Variants in CSMD1 observed in about 807,000 individuals in gnomAD.
CSMD1 encodes the protein CUB and sushi domain-containing protein 1.
In CSMD1, 213 loss-of-function variants were observed where a neutral mutation model predicts 417.5. The observed-to-expected ratio is 0.51, with a 90% confidence interval of 0.46 to 0.57. CSMD1 has a LOEUF of 0.57. CSMD1 is among the 20% of genes least tolerant of loss of function. The pLI is 0.00. For synonymous variants in CSMD1, 2,862 were observed against 1,736.8 expected (o/e 1.65, Z -16.11); for missense variants, 6,923 against 4,529.7 (o/e 1.53, Z -15.17).
chr8:3,905,725 G>T (rs986477771), intron 5 of CSMD1, among the ~76,000 whole-genome samples: 1 of 152,262 alleles, frequency 6.6e-6, no homozygotes, highest in Non-Finnish European at 1.5e-5. Context: ...CCAAGTCCAC[G>T]CAGATAATAG....
chr8:3,638,298 T>C (rs1341606145), intron 7 of CSMD1, among the ~76,000 whole-genome samples: 1 of 152,146 alleles, frequency 6.6e-6, no homozygotes, highest in African/African-American at 2.4e-5. Flanking sequence ...AGAAAATGTG[T>C]CATCCATTTA....
intron 7 of CSMD1, among the ~76,000 whole-genome samples, chr8:3,628,955 G>A (rs192997972): frequency 6.6e-6 from 1 of 151,656 alleles, no homozygotes; most frequent in South Asian, 2.1e-4. Flanking sequence ...AACAAAAGAA[G>A]AATAAAAGAT....
chr8:4,717,652 G>A (rs1016994691), intron 1 of CSMD1, among the ~76,000 whole-genome samples: 2 of 151,978 alleles, frequency 1.3e-5, no homozygotes, highest in African/African-American at 4.8e-5. Flanking sequence ...AAGCACTGGT[G>A]TGAGTGGGAA....
chr8:3,647,606 C>A (rs1203873802), intron 7 of CSMD1, among the ~76,000 whole-genome samples: 1 of 152,130 alleles, frequency 6.6e-6, no homozygotes, highest in African/African-American at 2.4e-5. Flanking sequence ...GAACCACTGG[C>A]AACATTTGAA....
intron 12 of CSMD1, among the ~76,000 whole-genome samples, chr8:3,416,051 T>A (rs1318503908): frequency 6.6e-6 from 1 of 152,118 alleles, no homozygotes; most frequent in Non-Finnish European, 1.5e-5. Context: ...CCTGTAATCC[T>A]AGCACTTTGG....
At chr8:2,973,887 G>T (rs1440788572) in intron 56 of CSMD1, among the ~76,000 whole-genome samples, 3 of 150,038 alleles carry the variant, frequency 2.0e-5, no homozygotes, top group Admixed American at 2.0e-4. Context: ...GATGATGGTA[G>T]AGGATGATGG....
chr8:3,078,796 C>T (rs373449361), intron 49 of CSMD1, among the ~76,000 whole-genome samples: 1 of 152,146 alleles, frequency 6.6e-6, no homozygotes, highest in African/African-American at 2.4e-5. Flanking sequence ...ACACTGCTGC[C>T]TTGACATTCA....
chr8:3,843,935 G>C (rs1254941165), intron 5 of CSMD1, among the ~76,000 whole-genome samples: 2 of 152,120 alleles, frequency 1.3e-5, no homozygotes, highest in African/African-American at 4.8e-5. Context: ...ATGCGCACAA[G>C]GTTATCTGAG....
chr8:2,983,264 G>C (rs1805580968), intron 54 of CSMD1, among the ~76,000 whole-genome samples: 1 of 151,926 alleles, frequency 6.6e-6, no homozygotes, highest in Non-Finnish European at 1.5e-5. Flanking sequence ...TCGGCTCACT[G>C]CAAGCTCCAC....
intron 3 of CSMD1, among the ~76,000 whole-genome samples, chr8:4,201,814 T>C (rs979215834): frequency 1.1e-4 from 16 of 150,552 alleles, no homozygotes; most frequent in African/African-American, 3.4e-4. Flanking sequence ...GCTGTTCAAA[T>C]TCTTCAGTGC....
At chr8:3,009,936 G>A (rs577703109) in intron 52 of CSMD1, among the ~76,000 whole-genome samples, 1 of 152,248 alleles carries the variant, frequency 6.6e-6, no homozygotes, top group East Asian at 1.9e-4. Context: ...GCCATCATTT[G>A]GACTGTCTTT....
intron 54 of CSMD1, among the ~76,000 whole-genome samples, chr8:2,982,056 A>G (rs1805466179): frequency 6.6e-6 from 1 of 152,106 alleles, no homozygotes; most frequent in Admixed American, 6.6e-5. Context: ...TCAAGTTGAC[A>G]TACGAATATG....
At chr8:2,994,619 A>G (rs1018156290) in intron 54 of CSMD1, among the ~76,000 whole-genome samples, 4 of 152,242 alleles carry the variant, frequency 2.6e-5, no homozygotes, top group Non-Finnish European at 5.9e-5. Flanking sequence ...TGTAGAAATT[A>G]AAGCCATCAA....
chr8:3,406,408 A>T (rs1396744519), intron 14 of CSMD1, among the ~76,000 whole-genome samples, 187 bp from the exon 15 acceptor site: 1 of 152,216 alleles, frequency 6.6e-6, no homozygotes, highest in Non-Finnish European at 1.5e-5. Context: ...CTAGTGAGAA[A>T]GAGCGAGCAG....
intron 26 of CSMD1, among the ~76,000 whole-genome samples, chr8:3,233,177 G>T (rs778424223): frequency 1.3e-5 from 2 of 151,592 alleles, no homozygotes; most frequent in Admixed American, 6.6e-5. Flanking sequence ...AAAAACTTAC[G>T]TTGAAATGTA....
chr8:4,608,392 C>A (rs1035949153), intron 2 of CSMD1, among the ~76,000 whole-genome samples: 3 of 152,134 alleles, frequency 2.0e-5, no homozygotes, highest in South Asian at 4.1e-4. Flanking sequence ...GAGGGCTCGA[C>A]AAAAGGATGC....
At chr8:3,873,923 T>A (rs1045999736) in intron 5 of CSMD1, among the ~76,000 whole-genome samples, 1 of 152,176 alleles carries the variant, frequency 6.6e-6, no homozygotes, top group African/African-American at 2.4e-5. Flanking sequence ...GACAACTAGA[T>A]CTGACTTTGG....
intron 1 of CSMD1, among the ~76,000 whole-genome samples, chr8:4,865,043 T>C (rs1802347133): frequency 6.6e-6 from 1 of 151,674 alleles, no homozygotes; most frequent in African/African-American, 2.4e-5. Flanking sequence ...TGCTTTATTT[T>C]TTAAATTTTT....
At chr8:3,411,246 A>T (rs77883550) in intron 12 of CSMD1, among the ~76,000 whole-genome samples, 11,586 of 152,218 alleles carry the variant, frequency 0.076, 580 homozygotes, top group East Asian at 0.26. Flanking sequence ...CACCAGTCCC[A>T]AAAGTGCATT....
Sources: allele counts gnomAD v4.1 joint callset (sites outside exome capture counted in the v4.1 genomes callset), GRCh38; gene constraint gnomAD v4.1.1; transcripts MANE v1.5; gene names NCBI Gene and HGNC (gene_info 2026-07-23, HGNC 2026-07-21).